MPRIP: variants seen among roughly 807,000 people sequenced by gnomAD.
The protein encoded by MPRIP is myosin phosphatase Rho interacting protein, also known as myosin phosphatase Rho-interacting protein.
Under a neutral mutation model 234.9 loss-of-function variants are expected in MPRIP, and 59 were observed. That is an observed-to-expected ratio of 0.25 (90% CI 0.20 to 0.31). MPRIP has a LOEUF of 0.31. Ranked by LOEUF, MPRIP falls within the 10% of genes least tolerant of loss-of-function variation. The pLI, the probability that MPRIP is intolerant of heterozygous loss-of-function variation, is 1.00. For synonymous variants in MPRIP, 1,144 were observed against 1,263.9 expected, an observed-to-expected ratio of 0.91 and a Z score of 2.01; for missense variants, 2,436 against 3,071.0, an observed-to-expected ratio of 0.79 and a Z score of 4.89.
At chr17:17,062,420 T>C (rs1479225218) in intron 1 of MPRIP, among the ~76,000 whole-genome samples, 2 of 152,228 alleles carry the variant, frequency 1.3e-5, no homozygotes, top group Non-Finnish European at 2.9e-5. Flanking sequence ...GCATAATAGC[T>C]GTTTTCTCAT....
At chr17:17,053,366 G>A (rs558811920) in intron 1 of MPRIP, among the ~76,000 whole-genome samples, 1 of 152,240 alleles carries the variant, frequency 6.6e-6, no homozygotes, top group Non-Finnish European at 1.5e-5. Flanking sequence ...GTCCTGATGA[G>A]GATGCAGGAA....
chr17:17,169,506 A>G (rs1375906019), intron 16 of MPRIP, among the ~76,000 whole-genome samples: 1 of 152,228 alleles, frequency 6.6e-6, no homozygotes, highest in Non-Finnish European at 1.5e-5. Flanking sequence ...TTGAGAACTG[A>G]CCAGAGATTG....
intron 3 of MPRIP, among the ~76,000 whole-genome samples, chr17:17,100,357 C>T (rs1000253600): frequency 3.9e-5 from 6 of 152,162 alleles, no homozygotes; most frequent in African/African-American, 1.4e-4. Context: ...CTTTTTCCCC[C>T]TTGTCGAACC....
intron 4 of MPRIP, among the ~76,000 whole-genome samples, chr17:17,129,001 C>T (rs990486320): frequency 6.6e-6 from 1 of 152,282 alleles, no homozygotes. Context: ...GACACTTCCA[C>T]CAGGCAGCTG....
intron 9 of MPRIP, among the ~76,000 whole-genome samples, chr17:17,144,120 T>C (rs889410481): frequency 6.6e-6 from 1 of 152,166 alleles, no homozygotes; most frequent in Non-Finnish European, 1.5e-5. Context: ...CTCAGAGCTA[T>C]GACAACAGAG....
intron 12 of MPRIP, among the ~76,000 whole-genome samples, chr17:17,151,239 A>T (rs1038215068): frequency 2.6e-5 from 4 of 152,094 alleles, no homozygotes; most frequent in African/African-American, 4.8e-5. Flanking sequence ...TCAAAAATTC[A>T]CTAGAATGAC....
chr17:17,158,991 C>T lies in MPRIP; in HGVS notation c.2389C>T (p.Leu797Phe), dbSNP rs769219492. ...RLSTHELTSL[L>F]EKELEQSQKE... ...CTCCACACACGAGCTGACCTCTCTG[C>T]TCGAGAAGGAGGTAATAGCCTGGGA... Residue 797 changes from leucine (L) to phenylalanine (F), a missense_variant, in exon 14 of 24, where the codon CTC (leucine) becomes TTC (phenylalanine). This residue lies in a region of MPRIP where 1,998 missense variants were observed against 2,520.3 expected (regional missense o/e 0.79). Transcript: ENST00000651222. The T allele has an allele frequency of 5.0e-6, 8 of 1,611,770 alleles. 1 individual carries two copies. In the South Asian group the frequency reaches 6.6e-5, roughly 13 times the overall value.
chr17:17,077,116 A>AT (rs1032675349), intron 2 of MPRIP: 2 of 151,422 alleles, frequency 1.3e-5, no homozygotes, highest in Non-Finnish European at 2.9e-5. Flanking sequence ...TAATTTTTGT[A>AT]TTTTTTGTAG....
intron 16 of MPRIP, chr17:17,168,864 G>T (rs1319336163): frequency 2.2e-6 from 1 of 456,634 alleles, no homozygotes; most frequent in Non-Finnish European, 4.4e-6. Context: ...CCATTGTGCT[G>T]CAAGCTCCTG....
intron 4 of MPRIP, among the ~76,000 whole-genome samples, chr17:17,130,031 G>A (rs565776498): frequency 2.0e-5 from 3 of 152,352 alleles, no homozygotes; most frequent in African/African-American, 4.8e-5. Context: ...CAGAAGGCCT[G>A]CCTGTCTGCT....
In MPRIP at chr17:17,138,007, C is replaced by T. The variant is rs1476904465; in HGVS notation, c.828C>T (p.Asp276=). Reference sequence around the variant, plus strand: ...TCTCTCTGGAGAAGACCAAACAGGACTTGAAGGCTGAAGAACAGCAGCTGC... The same window carrying T: ...TCTCTCTGGAGAAGACCAAACAGGATTTGAAGGCTGAAGAACAGCAGCTGC... The part of the protein sequence containing the change: ...GYFSLEKTKQ[D]LKAEEQQLPP... The change falls in exon 7 of 24, where the codon GAC becomes GAT. Residue 276 remains aspartate, a synonymous_variant. Transcript: ENST00000651222. This position sits in a 1 kb window ranked among gnomAD's most constrained non-coding sequence, Gnocchi z 5.8. The T allele has an allele frequency of 6.2e-6, 10 of 1,612,184 alleles. No homozygotes were observed. The highest frequency in any genetic ancestry group is 8.5e-6 in the Non-Finnish European group (10 of 1,179,512).
chr17:17,136,566 TC>T, intron 6 of MPRIP, 116 bp downstream of exon 6: 1 of 989,276 alleles, frequency 1.0e-6, no homozygotes, highest in Non-Finnish European at 1.5e-6. Context: ...GGACCTCGAT[TC>T]CCTTTGTCCA....
Position 17,161,366 on chromosome 17 carries a change from AG to A in MPRIP, c.2517+14del. 6.4e-7 allele frequency: 1 copy of A among 1,556,904 alleles called. No individual in the cohort carries two copies. Among genetic ancestry groups the A allele is most frequent in the East Asian group, 2.3e-5 (1 of 43,250 alleles). On this transcript the variant is annotated intron_variant, in intron 15 of 23. Coordinates refer to ENST00000651222, the MANE Select transcript of MPRIP (RefSeq NM_001364716.4). ...GGGCTACGTGCTGCAGGTAGGGTGG[AG>A]GGGCTGCTGTGGCCCATGGTGCGCT...
intron 14 of MPRIP, among the ~76,000 whole-genome samples, chr17:17,159,915 T>TTA (rs2045825300): frequency 6.6e-6 from 1 of 152,244 alleles, no homozygotes; most frequent in Non-Finnish European, 1.5e-5. Context: ...CCAGCACTAA[T>TTA]ACTTGTACTT....
intron 14 of MPRIP, among the ~76,000 whole-genome samples, chr17:17,160,470 C>G (rs945441548): frequency 6.6e-6 from 1 of 152,274 alleles, no homozygotes; most frequent in Non-Finnish European, 1.5e-5. Flanking sequence ...CAGCTCCATT[C>G]AGCACGAGCT....
intron 3 of MPRIP, among the ~76,000 whole-genome samples, chr17:17,107,756 T>C (rs1314854625): frequency 6.6e-6 from 1 of 152,208 alleles, no homozygotes; most frequent in Admixed American, 6.5e-5. Context: ...CGTTCTTGAG[T>C]TCCCATCTCT....
At chr17:17,111,083 CTCTTG>C (rs1034645005) in intron 3 of MPRIP, among the ~76,000 whole-genome samples, 4 of 150,782 alleles carry the variant, frequency 2.7e-5, no homozygotes, top group Admixed American at 1.3e-4. Flanking sequence ...TCTTCACACA[CTCTTG>C]TCTTCTTTTC....
chr17:17,123,072 G>T (rs763347558), intron 3 of MPRIP, among the ~76,000 whole-genome samples: 2 of 152,202 alleles, frequency 1.3e-5, no homozygotes, highest in Non-Finnish European at 2.9e-5. Context: ...GCTGCAATGC[G>T]GAGGAACCTT....
intron 3 of MPRIP, among the ~76,000 whole-genome samples, chr17:17,112,571 G>A (rs533815460): frequency 4.6e-5 from 7 of 152,038 alleles, no homozygotes; most frequent in South Asian, 2.1e-4. Flanking sequence ...GGCTCCTGCC[G>A]TCTGCTCCTG....
Sources: allele counts gnomAD v4.1 joint callset (sites outside exome capture counted in the v4.1 genomes callset), GRCh38; gene constraint gnomAD v4.1.1; regional missense constraint gnomAD v4.1.1; non-coding constraint Gnocchi (gnomAD v3.1); transcripts MANE v1.5; gene names NCBI Gene and HGNC (gene_info 2026-07-23, HGNC 2026-07-21).